KDM2B: variants seen among roughly 807,000 people sequenced by gnomAD.
KDM2B encodes the protein lysine demethylase 2B.
A neutral mutation model predicts 150.0 loss-of-function variants in KDM2B; 26 were observed. The observed-to-expected ratio is 0.17, with a 90% CI of 0.13 to 0.24. KDM2B has a LOEUF of 0.24. Ranked by LOEUF, KDM2B falls within the 10% of genes least tolerant of loss-of-function variation. KDM2B has a pLI of 1.00. For synonymous variants in KDM2B, 734 were observed against 729.5 expected (o/e 1.01, Z -0.10); for missense variants, 1,265 against 1,816.9 (o/e 0.70, Z 5.52).
chr12:121,502,578 AC>A, intron 11 of KDM2B, among the ~76,000 whole-genome samples: 1 of 151,642 alleles, frequency 6.6e-6, no homozygotes, highest in Non-Finnish European at 1.5e-5. Context: ...CCAAGATCAC[AC>A]CACTGCAGTC....
intron 12 of KDM2B, among the ~76,000 whole-genome samples, chr12:121,493,059 CTTTTT>C (rs61628112): frequency 9.2e-5 from 5 of 54,078 alleles, no homozygotes; most frequent in African/African-American, 6.0e-4. Flanking sequence ...TCATGCCTGG[CTTTTT>C]TTTTTTTTTT....
intron 4 of KDM2B, among the ~76,000 whole-genome samples, chr12:121,562,750 G>C (rs1025960838): frequency 6.6e-6 from 1 of 152,094 alleles, no homozygotes; most frequent in East Asian, 1.9e-4. Flanking sequence ...GACACCCAGG[G>C]CCAGGTGCAG....
chr12:121,561,140 GC>G (rs1555313783), intron 4 of KDM2B, among the ~76,000 whole-genome samples: 1 of 152,176 alleles, frequency 6.6e-6, no homozygotes, highest in African/African-American at 2.4e-5. Context: ...TGGCCCTGTG[GC>G]CCCTGCTTTG....
At position 121,453,835 on chromosome 12, in the gene KDM2B, T is replaced by C. The variant is rs1877759267; in HGVS notation, c.1735-491A>G. Among the ~76,000 whole-genome samples, 1 of 152,124 alleles carries C rather than the reference T, an allele frequency of 6.6e-6. No individual in the cohort carries two copies. Among genetic ancestry groups the C allele is most frequent in the Admixed American group, 6.5e-5 (1 of 15,286 alleles). The stretch of plus-strand genomic sequence containing the variant: ...AGGCCGGTTGTTTTAAGCCACCCGT[T>C]ATGGCAGCCCTAGGAGAGGACGACA... On this transcript the variant is annotated intron_variant, in intron 12 of 22. Transcript: ENST00000377071. The surrounding 1 kb of genome is among the most constrained non-coding windows in gnomAD (Gnocchi z 6.4).
downstream of KDM2B, among the ~76,000 whole-genome samples, chr12:121,426,948 T>A (rs978888972): frequency 6.6e-6 from 1 of 152,076 alleles, no homozygotes; most frequent in Non-Finnish European, 1.5e-5. Context: ...GTAAATTTTT[T>A]AAATAGGTCA....
chr12:121,571,012 A>T (rs1891047835), intron 4 of KDM2B, among the ~76,000 whole-genome samples: 1 of 152,228 alleles, frequency 6.6e-6, no homozygotes, highest in South Asian at 2.1e-4. Flanking sequence ...GCCAAGAAAG[A>T]GAGTGAAGTA....
intron 4 of KDM2B, among the ~76,000 whole-genome samples, chr12:121,562,130 A>G (rs2136271191): frequency 6.6e-6 from 1 of 151,082 alleles, no homozygotes; most frequent in South Asian, 2.1e-4. Flanking sequence ...AGATCAAGCC[A>G]CTGCACTCCA....
At chr12:121,523,847 T>C (rs998951146) in intron 8 of KDM2B, among the ~76,000 whole-genome samples, 9 of 152,162 alleles carry the variant, frequency 5.9e-5, no homozygotes, top group South Asian at 2.1e-4. Flanking sequence ...CTCTGTGCGG[T>C]TGCAAGCGGC....
At chr12:121,446,306 G>A (rs1876248800) in intron 13 of KDM2B, among the ~76,000 whole-genome samples, 2 of 152,188 alleles carry the variant, frequency 1.3e-5, no homozygotes, top group South Asian at 2.1e-4. Context: ...ACTGAGGCAG[G>A]AGAATGGCGT....
intron 6 of KDM2B, chr12:121,536,116 G>C: frequency 1.0e-6 from 1 of 985,552 alleles, no homozygotes; most frequent in Non-Finnish European, 1.2e-6. Flanking sequence ...GCGCCGGCAC[G>C]AGTGGAGATA....
intron 4 of KDM2B, among the ~76,000 whole-genome samples, chr12:121,559,379 A>C (rs953275843): frequency 2.0e-5 from 3 of 152,054 alleles, no homozygotes; most frequent in Non-Finnish European, 4.4e-5. Flanking sequence ...GGAGGAAGGA[A>C]AGTCAGTTCT....
chr12:121,431,472 T>C (rs1029907512), intron 22 of KDM2B, among the ~76,000 whole-genome samples: 24 of 152,126 alleles, frequency 1.6e-4, no homozygotes, highest in Non-Finnish European at 2.1e-4. Context: ...ATTTGTGACC[T>C]TTGCTAATCA....
At position 121,521,075 on chromosome 12, in the gene KDM2B, A is replaced by G. The variant is rs782821173; in HGVS notation, c.957T>C (p.Pro319=). The G allele has an allele frequency of 6.2e-6, 10 of 1,613,718 alleles. No individual in the cohort carries two copies. The highest frequency in any genetic ancestry group is 2.2e-5 in the East Asian group (1 of 44,868). ...TTCCGCCGAACACCAAAGAGTCTAC[A>G]GGGGTGTAGACGGCATGGATCCAAC... ...PSGWIHAVYT[P]VDSLVFGGNI... is the part of the protein sequence containing the mutation. Residue 319 remains proline (P), a synonymous_variant, in exon 9 of 23, where the codon CCT becomes CCC. Coordinates refer to ENST00000377071, the MANE Select transcript of KDM2B (RefSeq NM_032590.5). The surrounding 1 kb of genome is among the most constrained non-coding windows in gnomAD (Gnocchi z 4.9).
intron 11 of KDM2B, 31 bp from the exon 12 acceptor site, chr12:121,494,696 CA>C (rs782434760): frequency 3.8e-6 from 6 of 1,564,786 alleles, no homozygotes; most frequent in East Asian, 2.3e-5. Flanking sequence ...CATATTAGCC[CA>C]GGGGGAAGGG....
chr12:121,455,177 G>C (rs1878028463), intron 12 of KDM2B, among the ~76,000 whole-genome samples: 1 of 152,152 alleles, frequency 6.6e-6, no homozygotes, highest in Non-Finnish European at 1.5e-5. Flanking sequence ...CTGGAGCTCT[G>C]GGCCTCTACC....
intron 12 of KDM2B, among the ~76,000 whole-genome samples, chr12:121,478,811 C>A (rs189088520): frequency 6.6e-6 from 1 of 151,592 alleles, no homozygotes; most frequent in African/African-American, 2.4e-5. Flanking sequence ...CCTCAGCCTC[C>A]CAAGCAGCTG....
chr12:121,413,866 C>T, the KDM2B span, among the ~76,000 whole-genome samples: 33 of 152,192 alleles, frequency 2.2e-4, 1 homozygote, highest in African/African-American at 6.0e-4. Context: ...TGAGCCACCG[C>T]GCCCGGCTTC....
At chr12:121,507,004 G>A (rs2140792554) in intron 11 of KDM2B, among the ~76,000 whole-genome samples, 1 of 151,986 alleles carries the variant, frequency 6.6e-6, no homozygotes, top group South Asian at 2.1e-4. Flanking sequence ...GGCTGAGGCA[G>A]GAGAATGGTG....
At chr12:121,482,500 C>T (rs1437057892) in intron 12 of KDM2B, among the ~76,000 whole-genome samples, 1 of 151,974 alleles carries the variant, frequency 6.6e-6, no homozygotes, top group Non-Finnish European at 1.5e-5. Context: ...ACAGGTTTCA[C>T]CATGTTGTCC....
Sources: gnomAD v4.1 joint callset for allele counts (sites outside exome capture counted in the v4.1 genomes callset) on GRCh38, gnomAD v4.1.1 for gene constraint, Gnocchi (gnomAD v3.1) non-coding constraint, MANE v1.5 for transcripts, NCBI Gene and HGNC (gene_info 2026-07-23, HGNC 2026-07-21) for gene names.